The following CHRM3 variants were observed in gnomAD, a reference collection of about 807,000 sequenced individuals.
CHRM3 encodes the protein muscarinic acetylcholine receptor M3.
Under a neutral mutation model 41.8 loss-of-function variants are expected in CHRM3, and 11 were observed. The ratio of observed to expected loss-of-function variants is 0.26; its 90% CI spans 0.17 to 0.44. The LOEUF is 0.44. CHRM3 is among the 20% of genes least tolerant of loss of function. CHRM3 has a pLI of 1.00. For synonymous variants in CHRM3, 297 were observed against 301.4 expected (o/e 0.99, Z 0.15); for missense variants, 571 against 745.4 (o/e 0.77, Z 2.72).
intron 5 of CHRM3, among the ~76,000 whole-genome samples, chr1:239,740,755 A>G (rs1664777618): frequency 6.6e-6 from 1 of 152,134 alleles, no homozygotes. Flanking sequence ...GCAAATCAAA[A>G]CCATAATGAG....
chr1:239,481,116 A>G (rs1389396604), intron 1 of CHRM3, among the ~76,000 whole-genome samples: 1 of 152,224 alleles, frequency 6.6e-6, no homozygotes, highest in Non-Finnish European at 1.5e-5. Flanking sequence ...ACATACATGT[A>G]AGTGTGATGA....
chr1:239,446,000 C>T (rs1664101899), intron 1 of CHRM3, among the ~76,000 whole-genome samples: 1 of 151,844 alleles, frequency 6.6e-6, no homozygotes, highest in South Asian at 2.1e-4. Flanking sequence ...TGCAGTCACG[C>T]AATCTCGGCT....
At chr1:239,467,902 C>T (rs980650440) in intron 1 of CHRM3, among the ~76,000 whole-genome samples, 1 of 134,378 alleles carries the variant, frequency 7.4e-6, no homozygotes, top group African/African-American at 3.2e-5. Flanking sequence ...TTTCCCTACC[C>T]CCCCCCAACG....
At chr1:239,575,469 C>A (rs1256398506) in intron 3 of CHRM3, among the ~76,000 whole-genome samples, 1 of 152,174 alleles carries the variant, frequency 6.6e-6, no homozygotes, top group Non-Finnish European at 1.5e-5. Context: ...TACAAGATTT[C>A]TAATGCAACA....
chr1:239,815,977 T>C (rs1671545863), intron 5 of CHRM3, among the ~76,000 whole-genome samples: 1 of 152,182 alleles, frequency 6.6e-6, no homozygotes, highest in African/African-American at 2.4e-5. Flanking sequence ...TCATCAGATA[T>C]CAATACATTT....
At position 239,622,716 on chromosome 1, in the gene CHRM3, C is replaced by T. The variant is rs142842541; in HGVS notation, c.-312-9508C>T. On this transcript the variant is annotated intron_variant, in intron 3 of 6. Coordinates refer to ENST00000676153, the MANE Select transcript of CHRM3 (RefSeq NM_001375978.1). ...AGTGGTTTTCTTGAGATGGAATTAACTCTTGGTGAAGATACTGTGAATATT... is the reference window on the plus strand; with the variant it reads ...AGTGGTTTTCTTGAGATGGAATTAATTCTTGGTGAAGATACTGTGAATATT... Among the ~76,000 whole-genome samples, 275 of 152,262 alleles carry T rather than the reference C, an allele frequency of 1.8e-3. 1 individual carries two copies. In the South Asian group the frequency reaches 0.03, roughly 17 times the overall value.
intron 3 of CHRM3, among the ~76,000 whole-genome samples, chr1:239,622,093 G>A (rs1006595341): frequency 6.6e-6 from 1 of 152,110 alleles, no homozygotes; most frequent in African/African-American, 2.4e-5. Context: ...ACAAAGCCTG[G>A]ATGACAGTGC....
At chr1:239,795,849 G>T (rs1669724879) in intron 5 of CHRM3, among the ~76,000 whole-genome samples, 1 of 152,140 alleles carries the variant, frequency 6.6e-6, no homozygotes, top group African/African-American at 2.4e-5. Context: ...ATTTTACCTA[G>T]CTGGCAGCAC....
At chr1:239,655,621 G>A (rs1672643754) in intron 4 of CHRM3, among the ~76,000 whole-genome samples, 2 of 152,110 alleles carry the variant, frequency 1.3e-5, no homozygotes, top group South Asian at 2.1e-4. Context: ...TTAAGCCAAG[G>A]ATTGGGTGCT....
intron 6 of CHRM3, among the ~76,000 whole-genome samples, chr1:239,846,786 G>A (rs530033534): frequency 7.4e-4 from 113 of 152,202 alleles, no homozygotes; most frequent in African/African-American, 2.5e-3. Context: ...TTTTTATTAC[G>A]TTACTATGTG....
At chr1:239,812,166 A>C (rs1671171528) in intron 5 of CHRM3, among the ~76,000 whole-genome samples, 1 of 152,080 alleles carries the variant, frequency 6.6e-6, no homozygotes, top group Non-Finnish European at 1.5e-5. Flanking sequence ...CAGCCTCCCG[A>C]GTAGCTGGGA....
At chr1:239,735,436 C>A (rs1296648585) in intron 5 of CHRM3, among the ~76,000 whole-genome samples, 1 of 152,002 alleles carries the variant, frequency 6.6e-6, no homozygotes, top group East Asian at 1.9e-4. Context: ...TTTTTTCCTG[C>A]TTTTATTATT....
chr1:239,903,665 C>T (rs1474285075), intron 6 of CHRM3, among the ~76,000 whole-genome samples: 1 of 152,184 alleles, frequency 6.6e-6, no homozygotes, highest in Non-Finnish European at 1.5e-5. Context: ...CTCTGTTTCC[C>T]ATACTCCCTC....
At chr1:239,738,392 A>G (rs756118820) in intron 5 of CHRM3, among the ~76,000 whole-genome samples, 1 of 152,190 alleles carries the variant, frequency 6.6e-6, no homozygotes, top group Non-Finnish European at 1.5e-5. Context: ...GCTTGCAGTC[A>G]GTACTGGAGC....
chr1:239,890,347 CAA>C (rs10713647), intron 6 of CHRM3, among the ~76,000 whole-genome samples: 1,917 of 142,694 alleles, frequency 0.013, 24 homozygotes, highest in African/African-American at 0.024. Context: ...GACTCTATCT[CAA>C]AAAAAAAAAA....
At chr1:239,679,930 G>A (rs1212420756) in intron 5 of CHRM3, among the ~76,000 whole-genome samples, 2 of 152,042 alleles carry the variant, frequency 1.3e-5, no homozygotes, top group Admixed American at 6.6e-5. Flanking sequence ...CCTTCACTGT[G>A]AAGAGATACT....
intron 3 of CHRM3, among the ~76,000 whole-genome samples, chr1:239,600,182 C>A (rs1010865322): frequency 6.6e-6 from 1 of 152,142 alleles, no homozygotes; most frequent in Non-Finnish European, 1.5e-5. Flanking sequence ...GCTCCTTCCT[C>A]TCCATCCTCA....
intron 1 of CHRM3, among the ~76,000 whole-genome samples, chr1:239,466,646 T>C (rs755677625): frequency 2.0e-5 from 3 of 152,004 alleles, no homozygotes; most frequent in Non-Finnish European, 4.4e-5. Context: ...AATAATTTTA[T>C]AGAAATGGAG....
intron 2 of CHRM3, among the ~76,000 whole-genome samples, chr1:239,496,011 T>C (rs1388045173): frequency 6.6e-6 from 1 of 152,160 alleles, no homozygotes; most frequent in Non-Finnish European, 1.5e-5. Context: ...AACTTCTCTG[T>C]TCCTGGTATC....
Sources: allele counts gnomAD v4.1 joint callset (sites outside exome capture counted in the v4.1 genomes callset), GRCh38; gene constraint gnomAD v4.1.1; transcripts MANE v1.5; gene names NCBI Gene and HGNC (gene_info 2026-07-23, HGNC 2026-07-21).